Variants in RNF185 observed in about 807,000 individuals in gnomAD.
RNF185 encodes ring finger protein 185.
RNF185 carries 13 observed loss-of-function variants against 24.9 expected under a neutral mutation model. That is an observed-to-expected ratio of 0.52 (90% CI 0.34 to 0.83). The LOEUF is 0.83. RNF185 is among the 40% of genes least tolerant of loss of function. The pLI is 0.01. For synonymous variants in RNF185, 79 were observed against 90.3 expected (o/e 0.88, Z 0.71); for missense variants, 184 against 244.7 (o/e 0.75, Z 1.65).
At chr22:31,184,733 G>A (rs2048080505) in intron 1 of RNF185, among the ~76,000 whole-genome samples, 1 of 152,192 alleles carries the variant, frequency 6.6e-6, no homozygotes. Flanking sequence ...GGCCAACACG[G>A]CAAAACCCCG....
chr22:31,163,656 T>TTTTATTTATTTATTTATTTATTTA (rs60362805), intron 1 of RNF185, among the ~76,000 whole-genome samples: 6 of 141,092 alleles, frequency 4.3e-5, no homozygotes, highest in South Asian at 2.3e-4. Flanking sequence ...TTTTATTTTA[T>TTTTATTTATTTATTTATTTATTTA]TTTATTTATT....
intron 2 of RNF185, among the ~76,000 whole-genome samples, chr22:31,191,944 G>A (rs894578388): frequency 6.6e-6 from 1 of 151,542 alleles, no homozygotes; most frequent in Non-Finnish European, 1.5e-5. Context: ...GAAGTCAGGA[G>A]ACTTTTTTTT....
chr22:31,164,723 A>G (rs1391178623), intron 1 of RNF185, among the ~76,000 whole-genome samples: 1 of 151,180 alleles, frequency 6.6e-6, no homozygotes, highest in East Asian at 1.9e-4. Context: ...AATAGCTGCA[A>G]TTACAGGCGT....
chr22:31,188,105 G>C (rs2048117937), intron 2 of RNF185, among the ~76,000 whole-genome samples: 3 of 152,202 alleles, frequency 2.0e-5, no homozygotes, highest in African/African-American at 7.2e-5. Flanking sequence ...ACCTCTCACA[G>C]CACTCTGGAT....
At chr22:31,201,273 C>A (rs1356494604) in intron 5 of RNF185, among the ~76,000 whole-genome samples, 1 of 152,224 alleles carries the variant, frequency 6.6e-6, no homozygotes, top group Non-Finnish European at 1.5e-5. Context: ...TTCATAGATT[C>A]TTAGCTGGAA....
At chr22:31,204,212 G>A (rs1473651038) in intron 6 of RNF185, among the ~76,000 whole-genome samples, 12 of 151,072 alleles carry the variant, frequency 7.9e-5, no homozygotes, top group African/African-American at 1.7e-4. Context: ...GCTTGGTGGC[G>A]CACACCTGTA....
At chr22:31,170,884 AC>A (rs1230346906) in intron 1 of RNF185, among the ~76,000 whole-genome samples, 1 of 151,544 alleles carries the variant, frequency 6.6e-6, no homozygotes. Flanking sequence ...CTGGTCTCAA[AC>A]TCTTGTCCTC....
At chr22:31,175,863 G>A (rs2047977443) in intron 1 of RNF185, among the ~76,000 whole-genome samples, 1 of 152,180 alleles carries the variant, frequency 6.6e-6, no homozygotes, top group African/African-American at 2.4e-5. Flanking sequence ...AGTTGTGAAT[G>A]TACTTAATTC....
At chr22:31,181,086 GC>G (rs2048032003) in intron 1 of RNF185, among the ~76,000 whole-genome samples, 1 of 151,950 alleles carries the variant, frequency 6.6e-6, no homozygotes, top group South Asian at 2.1e-4. Context: ...TTTTATTGGG[GC>G]TAGGCATGGT....
At chr22:31,184,074 C>T (rs1401047898) in intron 1 of RNF185, among the ~76,000 whole-genome samples, 4 of 151,210 alleles carry the variant, frequency 2.6e-5, no homozygotes, top group South Asian at 2.1e-4. Context: ...CCTCCCTTCC[C>T]GGACGGGGCG....
chr22:31,188,682 G>C (rs1338685537), intron 2 of RNF185, among the ~76,000 whole-genome samples: 1 of 151,780 alleles, frequency 6.6e-6, no homozygotes, highest in Non-Finnish European at 1.5e-5. Flanking sequence ...GTCAGGCATG[G>C]TGGCGGTACC....
chr22:31,161,142 G>A (rs1923549880), intron 1 of RNF185, among the ~76,000 whole-genome samples: 1 of 152,168 alleles, frequency 6.6e-6, no homozygotes, highest in South Asian at 2.1e-4. Context: ...GGCAGAACTA[G>A]GACTAACAGG....
intron 1 of RNF185, among the ~76,000 whole-genome samples, chr22:31,176,730 C>T (rs1041927729): frequency 4.0e-5 from 6 of 151,240 alleles, no homozygotes; most frequent in Non-Finnish European, 7.4e-5. Context: ...CCTCGTGATC[C>T]GCCTGCCTCA....
In RNF185 at chr22:31,201,638, A is replaced by C. The variant is rs200439912; in HGVS notation, c.481+23A>C. The C allele has an allele frequency of 4.2e-5, 63 of 1,515,126 alleles. No individual in the cohort carries two copies. In the East Asian group the frequency reaches 7.9e-4, roughly 19 times the overall value. The allele number at this position is 1,515,126 out of a possible 1,614,324, so 93.9% of individuals were successfully genotyped here. A position where few individuals can be genotyped will look rare whatever the true frequency, so the allele number is the denominator to read the frequency against. On this transcript the variant is annotated intron_variant, in intron 6 of 6. Coordinates refer to ENST00000326132, the MANE Select transcript of RNF185 (RefSeq NM_152267.4). ...CAGGTAAGACCCTATTTCCTTGAGA[A>C]ATTAGGAAGATATCTTAGTAATATT...
At chr22:31,175,979 TCTCGAACTC>T (rs1210438822) in intron 1 of RNF185, among the ~76,000 whole-genome samples, 1 of 152,048 alleles carries the variant, frequency 6.6e-6, no homozygotes, top group Non-Finnish European at 1.5e-5. Flanking sequence ...ACCAGGCTGG[TCTCGAACTC>T]CTGGCCTCAA....
chr22:31,206,655 G>C lies in RNF185; in HGVS notation c.*2069G>C, dbSNP rs8595. ...TCTGGGAACCTGTTAGTAAAGCCAG[G>C]CTGGCCAAATGCCATTTGATTTTGA... On this transcript the variant is annotated 3_prime_UTR_variant, in exon 7 of 7. Coordinates refer to ENST00000326132, the MANE Select transcript of RNF185 (RefSeq NM_152267.4). The C allele has an allele frequency of 0.24, 36,987 of 152,360 alleles. 6,452 individuals carry two copies. Among genetic ancestry groups the C allele is most frequent in the African/African-American group, 0.5 (20,553 of 41,444 alleles). 9.4% of individuals were successfully genotyped at this position (152,360 alleles called of 1,614,324 possible).
chr22:31,175,945 T>C (rs1038196212), intron 1 of RNF185, among the ~76,000 whole-genome samples: 113 of 152,184 alleles, frequency 7.4e-4, no homozygotes, highest in African/African-American at 2.7e-3. Flanking sequence ...ATTTTGTAAT[T>C]TGAGATGGGA....
intron 1 of RNF185, among the ~76,000 whole-genome samples, chr22:31,163,468 C>T (rs749914430): frequency 2.6e-5 from 4 of 151,750 alleles, no homozygotes; most frequent in South Asian, 2.1e-4. Flanking sequence ...GTTGGGACTA[C>T]GGGCACACAC....
chr22:31,193,642 A>G (rs185842245), intron 3 of RNF185, among the ~76,000 whole-genome samples: 2 of 151,980 alleles, frequency 1.3e-5, no homozygotes, highest in African/African-American at 4.8e-5. Flanking sequence ...AAAAATATAA[A>G]AATTAGCTGG....
Sources: allele counts gnomAD v4.1 joint callset (sites outside exome capture counted in the v4.1 genomes callset), GRCh38; gene constraint gnomAD v4.1.1; transcripts MANE v1.5; gene names NCBI Gene and HGNC (gene_info 2026-07-23, HGNC 2026-07-21).